The following THOC1 variants were observed in gnomAD, a reference collection of about 807,000 sequenced individuals.
THOC1 encodes the protein THO complex 1.
In THOC1, 29 loss-of-function variants were observed where a neutral mutation model predicts 97.3. The observed-to-expected ratio is 0.30, with a 90% CI of 0.22 to 0.41. THOC1 has a LOEUF of 0.41. THOC1 is among the 10% of genes least tolerant of loss of function. The probability of loss-of-function intolerance (pLI) is 1.00; values close to 1 mark genes in which losing one functional copy is unlikely to be tolerated. For missense variants in THOC1, 529 were observed against 761.9 expected (o/e 0.69, Z 3.60); for synonymous variants, 255 against 257.0 (o/e 0.99, Z 0.07).
At chr18:248,107 T>C (rs1363608102) in intron 9 of THOC1, 150 bp from the exon 10 acceptor site, 6 of 575,666 alleles carry the variant, frequency 1.0e-5, no homozygotes, top group Non-Finnish European at 1.8e-5. Flanking sequence ...ATATAAACTT[T>C]TACAAATCAT....
intron 1 of THOC1, among the ~76,000 whole-genome samples, chr18:266,281 C>T (rs1429251277): frequency 6.6e-6 from 1 of 152,192 alleles, no homozygotes; most frequent in African/African-American, 2.4e-5. Flanking sequence ...CTTGCTCTGC[C>T]ACTAACAGGC....
At chr18:246,931 A>C (rs1054839684) in intron 10 of THOC1, among the ~76,000 whole-genome samples, 11 of 151,948 alleles carry the variant, frequency 7.2e-5, no homozygotes, top group African/African-American at 1.9e-4. Flanking sequence ...AAAAAAAAAA[A>C]AAAAACGAAG....
chr18:258,782 A>G (rs1471635071), intron 7 of THOC1, among the ~76,000 whole-genome samples: 1 of 152,132 alleles, frequency 6.6e-6, no homozygotes, highest in Non-Finnish European at 1.5e-5. Flanking sequence ...ACTTTTCTAT[A>G]TGAGCGTTAT....
intron 11 of THOC1, among the ~76,000 whole-genome samples, chr18:233,972 G>A (rs533651110): frequency 1.3e-5 from 2 of 152,310 alleles, no homozygotes; most frequent in South Asian, 4.1e-4. Flanking sequence ...TAAATCTGGG[G>A]AGAAGGGGCA....
At chr18:227,314 TA>T (rs202091789) in intron 11 of THOC1, among the ~76,000 whole-genome samples, 8 of 151,208 alleles carry the variant, frequency 5.3e-5, no homozygotes, top group African/African-American at 9.7e-5. Context: ...ACTCTAAATT[TA>T]AAAAAAAAAT....
At chr18:265,552 A>G in intron 1 of THOC1, 22 bp from the exon 2 acceptor site, 1 of 1,519,214 alleles carries the variant, frequency 6.6e-7, no homozygotes, top group Non-Finnish European at 8.9e-7. Flanking sequence ...TTAAAATGGC[A>G]AATAATTGTA....
intron 7 of THOC1, among the ~76,000 whole-genome samples, chr18:256,662 G>A (rs1016129502): frequency 3.9e-5 from 6 of 152,104 alleles, no homozygotes; most frequent in African/African-American, 7.2e-5. Flanking sequence ...GCAATGGTGC[G>A]ATCTCGGCTT....
At chr18:215,357 T>C in intron 20 of THOC1, 72 bp downstream of exon 20, 1 of 1,136,336 alleles carries the variant, frequency 8.8e-7, no homozygotes. Context: ...TCAAATTAAA[T>C]AATGTACCTA....
At chr18:234,045 T>G (rs1598295073) in intron 11 of THOC1, among the ~76,000 whole-genome samples, 2 of 152,334 alleles carry the variant, frequency 1.3e-5, no homozygotes, top group South Asian at 2.1e-4. Flanking sequence ...TCTATGAAGA[T>G]TACGCCTAGG....
intron 11 of THOC1, among the ~76,000 whole-genome samples, chr18:227,785 C>A (rs1373428624): frequency 6.6e-6 from 1 of 152,128 alleles, no homozygotes; most frequent in South Asian, 2.1e-4. Flanking sequence ...CTAAATGAAT[C>A]GCCAGTAAGG....
chr18:248,027 T>C, intron 9 of THOC1, 70 bp from the exon 10 acceptor site: 2 of 1,066,364 alleles, frequency 1.9e-6, no homozygotes, highest in Non-Finnish European at 2.7e-6. Context: ...ATTCTTAACT[T>C]AGCTTTGGTC....
chr18:258,330 G>A (rs746545675), intron 7 of THOC1, among the ~76,000 whole-genome samples: 1 of 151,998 alleles, frequency 6.6e-6, no homozygotes, highest in African/African-American at 2.4e-5. Context: ...GAGAAGTAAC[G>A]ATTTTTAGGC....
At position 251,577 on chromosome 18, in the gene THOC1, C is replaced by T. The variant is rs181816421; in HGVS notation, c.677+962G>A. 6.1e-3 allele frequency among the ~76,000 whole-genome samples: 920 copies of T among 150,714 alleles called. 3 individuals are homozygous for T. Among genetic ancestry groups the T allele is most frequent in the Non-Finnish European group, 8.5e-3 (575 of 67,478 alleles). ...GTAACGTTGATGAGAAAAAAAAAAT[C>T]GATTCCTGGCTGGGGCCACGGTCTA... On this transcript the variant is annotated intron_variant, in intron 9 of 20. Transcript: ENST00000261600.
Position 242,212 on chromosome 18 carries a change from C to G in THOC1, c.918+4112G>C, listed in dbSNP as rs1911928467. On this transcript the variant is annotated intron_variant, in intron 11 of 20. Coordinates refer to ENST00000261600, the MANE Select transcript of THOC1 (RefSeq NM_005131.3). The surrounding 1 kb of genome is among the most constrained non-coding windows in gnomAD (Gnocchi z 4.5). ...TATCATCTGGCTGGGCGTGGTGGCT[C>G]ACGCCTGTAATCCCTGCACTTTGGA... Among the ~76,000 whole-genome samples, 1 of 151,594 alleles carries G rather than the reference C, an allele frequency of 6.6e-6. No individual in the cohort carries two copies. Among genetic ancestry groups the G allele is most frequent in the South Asian group, 2.1e-4 (1 of 4,832 alleles).
chr18:236,640 G>GGCGTGAGCCA (rs1911709128), intron 11 of THOC1, among the ~76,000 whole-genome samples: 1 of 152,146 alleles, frequency 6.6e-6, no homozygotes, highest in East Asian at 1.9e-4. Flanking sequence ...TGGGATTACA[G>GGCGTGAGCCA]GCGTGAGCCA....
At chr18:239,869 T>A (rs1297337917) in intron 11 of THOC1, among the ~76,000 whole-genome samples, 1 of 152,182 alleles carries the variant, frequency 6.6e-6, no homozygotes, top group African/African-American at 2.4e-5. Flanking sequence ...TTTTTTCCTC[T>A]GGGTATGAAG....
chr18:249,645 G>C (rs1912214650), intron 9 of THOC1, among the ~76,000 whole-genome samples: 1 of 147,940 alleles, frequency 6.8e-6, no homozygotes, highest in Admixed American at 6.8e-5. Context: ...CTGGGTGACA[G>C]AGCGAGACTC....
At chr18:225,226 G>C in intron 13 of THOC1, 87 bp from the exon 14 acceptor site, 3 of 1,520,904 alleles carry the variant, frequency 2.0e-6, no homozygotes, top group Non-Finnish European at 2.7e-6. Context: ...GAGTGTTTGT[G>C]GTCTTGTACC....
rs536883532 is a variant in THOC1, at chr18:237,433, G to A, written c.918+8891C>T. Among the ~76,000 whole-genome samples, 27 of 152,054 alleles carry A rather than the reference G, an allele frequency of 1.8e-4. No individual in the cohort carries two copies. In the South Asian group the frequency reaches 1.9e-3, roughly 11 times the overall value. ...TGACCTCTCAAAGTGCTGGGATTAC[G>A]AGCGTGAGCCACCACACTGGGCTTC... On this transcript the variant is annotated intron_variant, in intron 11 of 20. Transcript: ENST00000261600.
Sources: allele counts gnomAD v4.1 joint callset (sites outside exome capture counted in the v4.1 genomes callset), GRCh38; gene constraint gnomAD v4.1.1; non-coding constraint Gnocchi (gnomAD v3.1); transcripts MANE v1.5; gene names NCBI Gene and HGNC (gene_info 2026-07-23, HGNC 2026-07-21).